Variants in ZFPM2 observed in about 807,000 individuals in gnomAD.
The protein encoded by ZFPM2 is zinc finger protein ZFPM2.
In ZFPM2, 20 loss-of-function variants were observed where a neutral mutation model predicts 98.6. The ratio of observed to expected loss-of-function variants is 0.20; its 90% CI spans 0.14 to 0.29. The LOEUF (loss-of-function observed/expected upper bound fraction) is 0.29. Ranked by LOEUF, ZFPM2 falls within the 10% of genes least tolerant of loss-of-function variation. ZFPM2 has a pLI of 1.00. For synonymous variants in ZFPM2, 518 were observed against 502.7 expected, an observed-to-expected ratio of 1.03 and a Z score of -0.41; for missense variants, 1,310 against 1,388.6, an observed-to-expected ratio of 0.94 and a Z score of 0.90.
rs1307586479 is a variant in ZFPM2, at chr8:105,801,169, T to C, written c.1087T>C (p.Phe363Leu). 2 of 1,613,864 alleles carry C rather than the reference T, an allele frequency of 1.2e-6. No individual in the cohort carries two copies. The highest frequency in any genetic ancestry group is 1.3e-5 in the African/African-American group (1 of 74,930). ...GTTCTCCCATCTCACTCAAGCTGCC[T>C]TCCGATGTAATCACTGCCATTTCGG... Reference protein sequence around the residue: ...HLFSHLTQAAFRCNHCHFGFQ... With the variant: ...HLFSHLTQAALRCNHCHFGFQ... The change falls in exon 8 of 8, where the codon TTC becomes CTC. Residue 363 changes from phenylalanine to leucine, a missense_variant. Physicochemically the swap from Phe to Leu is conservative, Grantham distance 22. Transcript: ENST00000407775.
chr8:105,429,968 A>G (rs1811987701), intron 2 of ZFPM2, among the ~76,000 whole-genome samples: 1 of 152,186 alleles, frequency 6.6e-6, no homozygotes, highest in Non-Finnish European at 1.5e-5. Flanking sequence ...CTAGCCAATG[A>G]TAGACCTAGG....
In ZFPM2 at chr8:105,444,320, G is replaced by T. The variant is rs765866053; in HGVS notation, c.240G>T (p.Gly80=). 1.4e-5 allele frequency: 23 copies of T among 1,612,200 alleles called. No individual in the cohort carries two copies. In the Admixed American group the frequency reaches 3.3e-4, roughly 23 times the overall value. Residue 80 remains glycine, a synonymous_variant, in exon 3 of 8, where the codon GGG becomes GGT. Transcript: ENST00000407775. ...TCCAGGAGACAGCAGAATCAGATGG[G>T]GACACACAGTCAGAGAAACCGGGGC... ...EGIQETAESD[G]DTQSEKPGQP...
intron 2 of ZFPM2, among the ~76,000 whole-genome samples, chr8:105,430,896 C>T (rs1812005780): frequency 6.8e-6 from 1 of 147,270 alleles, no homozygotes; most frequent in Admixed American, 7.1e-5. Context: ...TCCCATTGTC[C>T]ACAACTTTTT....
intron 5 of ZFPM2, among the ~76,000 whole-genome samples, chr8:105,691,469 C>T (rs1357520040): frequency 2.5e-5 from 3 of 122,122 alleles, no homozygotes; most frequent in Non-Finnish European, 3.5e-5. Context: ...AGGATGGTCT[C>T]GATCTCCTGA....
chr8:105,323,129 G>C (rs1812058670), intron 1 of ZFPM2, among the ~76,000 whole-genome samples: 1 of 151,452 alleles, frequency 6.6e-6, no homozygotes, highest in African/African-American at 2.4e-5. Context: ...TGTTCTATGG[G>C]TCTTTTAAAA....
chr8:105,735,125 A>ATG (rs1158555968), intron 5 of ZFPM2, among the ~76,000 whole-genome samples: 1 of 148,034 alleles, frequency 6.8e-6, no homozygotes, highest in Non-Finnish European at 1.5e-5. Flanking sequence ...ATATATATAT[A>ATG]ATGTATCTAC....
intron 5 of ZFPM2, among the ~76,000 whole-genome samples, chr8:105,759,316 G>A (rs763899362): frequency 5.9e-5 from 9 of 151,996 alleles, no homozygotes; most frequent in Non-Finnish European, 1.3e-4. Context: ...GCCATATGCT[G>A]GAAAAGAATC....
intron 1 of ZFPM2, among the ~76,000 whole-genome samples, chr8:105,393,872 T>C (rs1201164979): frequency 1.3e-5 from 2 of 151,990 alleles, no homozygotes; most frequent in Non-Finnish European, 1.5e-5. Context: ...TGAAATGTTA[T>C]AGAATTAGAT....
chr8:105,575,539 G>A (rs1291488189), intron 4 of ZFPM2, among the ~76,000 whole-genome samples: 2 of 152,160 alleles, frequency 1.3e-5, no homozygotes, highest in African/African-American at 2.4e-5. Flanking sequence ...ACCTTCTGCT[G>A]CTTCTTGAAG....
At chr8:105,512,456 A>T (rs953953357) in intron 3 of ZFPM2, among the ~76,000 whole-genome samples, 6 of 152,236 alleles carry the variant, frequency 3.9e-5, no homozygotes, top group Non-Finnish European at 7.3e-5. Context: ...TGATGAAAAC[A>T]GTCCATGAAT....
At chr8:105,462,635 T>C (rs1291028510) in intron 3 of ZFPM2, among the ~76,000 whole-genome samples, 1 of 152,128 alleles carries the variant, frequency 6.6e-6, no homozygotes, top group Non-Finnish European at 1.5e-5. Flanking sequence ...TAGGGCTTTA[T>C]ATTATATGAG....
chr8:105,580,852 TGA>T (rs941098447), intron 4 of ZFPM2, among the ~76,000 whole-genome samples: 1 of 148,400 alleles, frequency 6.7e-6, no homozygotes, highest in African/African-American at 2.5e-5. Flanking sequence ...TATAAATCAC[TGA>T]GAGAAAAAAT....
At chr8:105,365,931 ATGAT>A (rs1309348638) in intron 1 of ZFPM2, among the ~76,000 whole-genome samples, 1 of 152,182 alleles carries the variant, frequency 6.6e-6, no homozygotes, top group Non-Finnish European at 1.5e-5. Flanking sequence ...GTTTTCAAAA[ATGAT>A]TGATGATTTC....
At chr8:105,701,819 T>A (rs2130958263) in intron 5 of ZFPM2, among the ~76,000 whole-genome samples, 1 of 152,314 alleles carries the variant, frequency 6.6e-6, no homozygotes, top group South Asian at 2.1e-4. Flanking sequence ...TATATATATT[T>A]TTTAAGCCAG....
intron 5 of ZFPM2, among the ~76,000 whole-genome samples, chr8:105,736,942 G>A (rs115001253): frequency 1.1e-3 from 169 of 151,786 alleles, no homozygotes; most frequent in African/African-American, 3.8e-3. Context: ...ATATTTCATC[G>A]ACTCATTAAT....
chr8:105,742,538 G>T (rs983884575), intron 5 of ZFPM2, among the ~76,000 whole-genome samples: 15 of 151,812 alleles, frequency 9.9e-5, no homozygotes, highest in Non-Finnish European at 1.5e-5. Context: ...GTGAGTGGTT[G>T]TAGATAGGGT....
chr8:105,730,754 A>C, intron 5 of ZFPM2, among the ~76,000 whole-genome samples: 1 of 148,532 alleles, frequency 6.7e-6, no homozygotes, highest in East Asian at 2.0e-4. Flanking sequence ...AGTCAAAGCG[A>C]CACCTGAACT....
At chr8:105,414,609 T>C (rs1326626619) in intron 1 of ZFPM2, among the ~76,000 whole-genome samples, 1 of 151,858 alleles carries the variant, frequency 6.6e-6, no homozygotes, top group Non-Finnish European at 1.5e-5. Flanking sequence ...TCCCCCCCTT[T>C]TTTTTTTCTG....
intron 1 of ZFPM2, among the ~76,000 whole-genome samples, chr8:105,392,988 A>G (rs764545733): frequency 6.6e-6 from 1 of 152,200 alleles, no homozygotes; most frequent in African/African-American, 2.4e-5. Flanking sequence ...GTTCAAAGGC[A>G]TGGAATAATA....
Sources: allele counts gnomAD v4.1 joint callset (sites outside exome capture counted in the v4.1 genomes callset), GRCh38; gene constraint gnomAD v4.1.1; transcripts MANE v1.5; gene names NCBI Gene and HGNC (gene_info 2026-07-23, HGNC 2026-07-21).